The following CDH1 variants were observed in gnomAD, a reference collection of about 807,000 sequenced individuals.
CDH1 encodes the protein cadherin-1.
Under a neutral mutation model 84.5 loss-of-function variants are expected in CDH1, and 35 were observed. The ratio of observed to expected loss-of-function variants is 0.41; its 90% CI spans 0.32 to 0.55. The LOEUF is 0.55. Ranked by LOEUF, CDH1 falls within the 20% of genes least tolerant of loss-of-function variation. CDH1 has a pLI of 0.19. For synonymous variants in CDH1, 417 were observed against 439.0 expected (o/e 0.95, Z 0.63); for missense variants, 994 against 1,126.6 (o/e 0.88, Z 1.68).
chr16:68,794,400 G>T (rs907594117), intron 2 of CDH1, among the ~76,000 whole-genome samples: 11 of 152,296 alleles, frequency 7.2e-5, no homozygotes, highest in Admixed American at 2.0e-4. Context: ...CATCAAGTGA[G>T]AGTCAGTGTT....
At chr16:68,785,253 G>T (rs1055796053) in intron 2 of CDH1, among the ~76,000 whole-genome samples, 1 of 151,978 alleles carries the variant, frequency 6.6e-6, no homozygotes, top group Non-Finnish European at 1.5e-5. Flanking sequence ...GTACAGTGGC[G>T]CGATCTCGGC....
chr16:68,798,630 G>A (rs943736633), intron 2 of CDH1, among the ~76,000 whole-genome samples: 6 of 152,082 alleles, frequency 3.9e-5, no homozygotes, highest in Non-Finnish European at 5.9e-5. Flanking sequence ...TTTTCAGGCC[G>A]CCACCCTTGG....
intron 2 of CDH1, among the ~76,000 whole-genome samples, chr16:68,770,005 A>G (rs28638414): frequency 0.011 from 1,652 of 150,288 alleles, 28 homozygotes; most frequent in African/African-American, 0.039. Flanking sequence ...TTTAAAGAAA[A>G]TGGTAGCCTC....
chr16:68,831,488 G>A (rs1961483489), intron 15 of CDH1, among the ~76,000 whole-genome samples: 1 of 151,836 alleles, frequency 6.6e-6, no homozygotes, highest in African/African-American at 2.4e-5. Flanking sequence ...GAAAAAACAA[G>A]AAACAGAAAG....
At chr16:68,823,045 G>GCCGGCCGGCCT (rs1961206209) in intron 12 of CDH1, 3 of 301,258 alleles carry the variant, frequency 1.0e-5, no homozygotes, top group Non-Finnish European at 1.9e-5. Context: ...ACCTTCACAG[G>GCCGGCCGGCCT]CCAGCCGGCC....
At chr16:68,745,081 C>T (rs764641057) in intron 2 of CDH1, among the ~76,000 whole-genome samples, 1 of 151,926 alleles carries the variant, frequency 6.6e-6, no homozygotes, top group Non-Finnish European at 1.5e-5. Flanking sequence ...GGGACCTGCT[C>T]GTGGAGGTTG....
At chr16:68,831,492 CAGAA>C (rs1413182612) in intron 15 of CDH1, among the ~76,000 whole-genome samples, 1 of 151,802 alleles carries the variant, frequency 6.6e-6, no homozygotes, top group Non-Finnish European at 1.5e-5. Flanking sequence ...AAACAAGAAA[CAGAA>C]AGAAACCAGT....
chr16:68,786,528 T>C (rs1476295351), intron 2 of CDH1, among the ~76,000 whole-genome samples: 15 of 116,636 alleles, frequency 1.3e-4, no homozygotes, highest in African/African-American at 5.1e-4. Flanking sequence ...TTCTTTTTTT[T>C]TTTTTCTTTT....
intron 5 of CDH1, 51 bp from the exon 6 acceptor site, chr16:68,810,146 C>G (rs754668532): frequency 6.2e-7 from 1 of 1,609,622 alleles, no homozygotes; most frequent in Admixed American, 1.7e-5. Flanking sequence ...CCCCTTCTCC[C>G]ATGTTTTCTT....
intron 1 of CDH1, among the ~76,000 whole-genome samples, chr16:68,737,953 G>T (rs1962444271): frequency 6.6e-6 from 1 of 152,166 alleles, no homozygotes; most frequent in African/African-American, 2.4e-5. Context: ...AGGTGGGAGC[G>T]CCCCTCGCTC....
chr16:68,829,264 G>A (rs937907525), intron 14 of CDH1, among the ~76,000 whole-genome samples: 4 of 152,178 alleles, frequency 2.6e-5, no homozygotes, highest in African/African-American at 9.7e-5. Flanking sequence ...ACCTTTGCCT[G>A]TGTCATATGT....
At chr16:68,747,532 C>T (rs1962775989) in intron 2 of CDH1, among the ~76,000 whole-genome samples, 1 of 152,166 alleles carries the variant, frequency 6.6e-6, no homozygotes, top group Admixed American at 6.5e-5. Flanking sequence ...CTCCTTCCCA[C>T]CCCAAACCAC....
chr16:68,757,033 T>A (rs1259816787), intron 2 of CDH1, among the ~76,000 whole-genome samples: 1 of 152,062 alleles, frequency 6.6e-6, no homozygotes, highest in Non-Finnish European at 1.5e-5. Flanking sequence ...AACAAAGCCC[T>A]CTTCTACTCC....
At chr16:68,824,497 T>C (rs1055323880) in intron 13 of CDH1, among the ~76,000 whole-genome samples, 1 of 152,116 alleles carries the variant, frequency 6.6e-6, no homozygotes, top group Non-Finnish European at 1.5e-5. Context: ...GGAAGTTGCA[T>C]ATATCACCTC....
chr16:68,802,101 G>A (rs1035642803), intron 3 of CDH1, among the ~76,000 whole-genome samples: 1 of 152,234 alleles, frequency 6.6e-6, no homozygotes, highest in Admixed American at 6.5e-5. Flanking sequence ...ACAACCCAAA[G>A]TATCTCCACA....
In CDH1 at chr16:68,829,768, C is replaced by T. The variant is rs1596972818; in HGVS notation, c.2410C>T (p.Pro804Ser). The T allele has an allele frequency of 6.2e-7, 1 of 1,613,974 alleles. No individual in the cohort carries two copies. Among genetic ancestry groups the T allele is most frequent in the Non-Finnish European group, 8.5e-7 (1 of 1,180,014 alleles). The change falls in exon 15 of 16, where the codon CCC becomes TCC. Residue 804 changes from proline to serine, a missense_variant. Physicochemically the swap from Pro to Ser is moderately conservative, Grantham distance 74. Around this residue, in one of 3 missense-constraint regions of CDH1, gnomAD observed 769 missense variants for 881.8 expected, o/e 0.87. Coordinates refer to ENST00000261769, the MANE Select transcript of CDH1 (RefSeq NM_004360.5). Reference protein sequence around the residue: ...VPRYLPRPANPDEIGNFIDEN... With the variant: ...VPRYLPRPANSDEIGNFIDEN... ...CCGGTATCTTCCCCGCCCTGCCAAT[C>T]CCGATGAAATTGGAAATTTTATTGA... is the stretch of plus-strand genomic sequence containing the variant.
intron 2 of CDH1, among the ~76,000 whole-genome samples, chr16:68,749,127 G>A (rs999384543): frequency 6.6e-6 from 1 of 152,192 alleles, no homozygotes. Context: ...ATGAGCCACC[G>A]TGCCCTACCA....
chr16:68,791,898 G>A (rs1960218064), intron 2 of CDH1, among the ~76,000 whole-genome samples: 1 of 152,018 alleles, frequency 6.6e-6, no homozygotes, highest in African/African-American at 2.4e-5. Context: ...CTCAAAGGAG[G>A]TGGGGACGTC....
Position 68,808,477 on chromosome 16 carries a change from T to A in CDH1, c.441T>A (p.Pro147=). The A allele has an allele frequency of 6.2e-7, 1 of 1,614,126 alleles. No individual in the cohort carries two copies. The highest frequency in any genetic ancestry group is 1.1e-5 in the South Asian group (1 of 91,080). ...AELLTFPNSS[P]GLRRQKRDWV... is the part of the protein sequence containing the mutation. ...TGCTCACATTTCCCAACTCCTCTCC[T>A]GGCCTCAGAAGACAGAAGAGAGACT... The change falls in exon 4 of 16, where the codon CCT becomes CCA. Residue 147 remains proline, a synonymous_variant. Coordinates refer to ENST00000261769, the MANE Select transcript of CDH1 (RefSeq NM_004360.5).
Sources: allele counts gnomAD v4.1 joint callset (sites outside exome capture counted in the v4.1 genomes callset), GRCh38; gene constraint gnomAD v4.1.1; regional missense constraint gnomAD v4.1.1; transcripts MANE v1.5; gene names NCBI Gene and HGNC (gene_info 2026-07-23, HGNC 2026-07-21).